FBXL13: variants seen among roughly 807,000 people sequenced by gnomAD.
FBXL13 encodes F-box and leucine-rich repeat protein 13.
Under a neutral mutation model 83.6 loss-of-function variants are expected in FBXL13, and 67 were observed. That is an observed-to-expected ratio of 0.80 (90% CI 0.66 to 0.98). The LOEUF is 0.98. Ranked by LOEUF, FBXL13 falls within the 50% of genes least tolerant of loss-of-function variation. The probability of loss-of-function intolerance (pLI) is 0.00; values close to 1 mark genes in which losing one functional copy is unlikely to be tolerated. For synonymous variants in FBXL13, 272 were observed against 299.5 expected, an observed-to-expected ratio of 0.91 and a Z score of 0.95; for missense variants, 822 against 866.5, an observed-to-expected ratio of 0.95 and a Z score of 0.64.
intron 17 of FBXL13, among the ~76,000 whole-genome samples, chr7:102,850,930 G>A (rs955105516): frequency 2.0e-5 from 3 of 152,148 alleles, no homozygotes; most frequent in African/African-American, 7.2e-5. Context: ...TTCCCAGTGA[G>A]CAACAGCAGA....
chr7:102,813,469 G>T (rs752569090), exon 20 of FBXL13: 2 of 1,614,186 alleles, frequency 1.2e-6, no homozygotes, highest in Non-Finnish European at 1.7e-6. Context: ...AAACCAACGT[G>T]GAGGGTCATT....
chr7:103,032,744 A>G (rs1027317181), intron 2 of FBXL13, among the ~76,000 whole-genome samples: 17 of 152,354 alleles, frequency 1.1e-4, no homozygotes, highest in African/African-American at 3.8e-4. Flanking sequence ...ACATTCTAAA[A>G]GTCAGCCAGG....
At chr7:102,895,948 T>C (rs1017350134) in intron 11 of FBXL13, among the ~76,000 whole-genome samples, 2 of 152,210 alleles carry the variant, frequency 1.3e-5, no homozygotes, top group South Asian at 2.1e-4. Flanking sequence ...CATTCATTCA[T>C]GGGAATATTT....
chr7:102,972,458 A>G (rs1255958057), intron 6 of FBXL13, among the ~76,000 whole-genome samples: 2 of 152,176 alleles, frequency 1.3e-5, no homozygotes, highest in African/African-American at 2.4e-5. Context: ...AAAATATTTA[A>G]GAGTAACCAG....
intron 1 of FBXL13, among the ~76,000 whole-genome samples, chr7:103,061,277 AGAGT>A (rs1265383269): frequency 1.3e-5 from 2 of 152,150 alleles, no homozygotes; most frequent in African/African-American, 4.8e-5. Context: ...CTATGAGGTA[AGAGT>A]GAGACAAAGG....
intron 6 of FBXL13, among the ~76,000 whole-genome samples, chr7:103,024,857 ATTTT>A (rs1209398568): frequency 3.2e-5 from 2 of 62,842 alleles, no homozygotes; most frequent in Admixed American, 2.5e-4. Flanking sequence ...ATATATATAT[ATTTT>A]TTTTTTTTTT....
At chr7:102,953,726 T>C (rs79144473) in intron 8 of FBXL13, among the ~76,000 whole-genome samples, 5,180 of 152,264 alleles carry the variant, frequency 0.034, 277 homozygotes, top group East Asian at 0.16. Flanking sequence ...CAGATAAGCA[T>C]GCCTTGCTAT....
intron 2 of FBXL13, among the ~76,000 whole-genome samples, chr7:103,045,881 G>A (rs972641550): frequency 5.9e-5 from 9 of 152,152 alleles, no homozygotes; most frequent in African/African-American, 1.7e-4. Context: ...GTCTCACCAC[G>A]TCATTCATAG....
At chr7:103,024,853 A>ATTTT (rs1186182065) in intron 6 of FBXL13, among the ~76,000 whole-genome samples, 12 of 88,208 alleles carry the variant, frequency 1.4e-4, no homozygotes, top group East Asian at 4.3e-4. Context: ...ATATATATAT[A>ATTTT]TATATTTTTT....
intron 17 of FBXL13, among the ~76,000 whole-genome samples, chr7:102,834,102 G>GAAAGA (rs1801348155): frequency 2.0e-5 from 2 of 101,992 alleles, no homozygotes; most frequent in South Asian, 7.0e-4. Context: ...AAGAAAGAAA[G>GAAAGA]AAAGAAAGAA....
rs373886665 is a variant in FBXL13, at chr7:102,837,706, G to A, written c.1720-4732C>T. 5.9e-5 allele frequency among the ~76,000 whole-genome samples: 9 copies of A among 152,074 alleles called. No individual in the cohort carries two copies. The East Asian group carries it at 1.7e-3, about 29-fold the overall frequency. On this transcript the variant is annotated intron_variant, in intron 17 of 19. Coordinates refer to ENST00000313221, the Ensembl canonical transcript of FBXL13. ...ACATATGTGCATGCTACCATGCCTGGCTCATTTTTTAATTTTTATAGAGAC... is the reference window on the plus strand; with the variant it reads ...ACATATGTGCATGCTACCATGCCTGACTCATTTTTTAATTTTTATAGAGAC...
At chr7:102,991,291 G>C (rs1302565763) in intron 6 of FBXL13, among the ~76,000 whole-genome samples, 1 of 152,186 alleles carries the variant, frequency 6.6e-6, no homozygotes, top group Non-Finnish European at 1.5e-5. Flanking sequence ...GACAGGGTTG[G>C]ACAGGATATG....
intron 11 of FBXL13, among the ~76,000 whole-genome samples, chr7:102,897,285 C>T (rs997990142): frequency 6.6e-6 from 1 of 151,860 alleles, no homozygotes; most frequent in African/African-American, 2.4e-5. Context: ...GGATCAAGGA[C>T]TGAACCCTGG....
intron 6 of FBXL13, among the ~76,000 whole-genome samples, chr7:102,998,359 T>G (rs2129485297): frequency 6.6e-6 from 1 of 152,352 alleles, no homozygotes; most frequent in Non-Finnish European, 1.5e-5. Flanking sequence ...CTCTTCACTT[T>G]GTTGACTGTT....
chr7:102,868,610 G>A (rs962436978), intron 16 of FBXL13, among the ~76,000 whole-genome samples: 1 of 152,142 alleles, frequency 6.6e-6, no homozygotes, highest in African/African-American at 2.4e-5. Flanking sequence ...GTGCACACGG[G>A]AGTACAGATA....
At chr7:103,027,305 A>T in intron 5 of FBXL13, 144 bp downstream of exon 6, 1 of 576,262 alleles carries the variant, frequency 1.7e-6, no homozygotes, top group Non-Finnish European at 2.9e-6. Context: ...CCAAAAAAAT[A>T]AAAATAAAAA....
intron 18 of FBXL13, among the ~76,000 whole-genome samples, chr7:102,828,595 A>C (rs1238462597): frequency 1.3e-5 from 2 of 152,312 alleles, no homozygotes; most frequent in Middle Eastern, 3.4e-3. Flanking sequence ...TTTGCTCAAT[A>C]CTTCATGCCT....
chr7:103,017,436 A>G (rs1792492374), intron 6 of FBXL13, among the ~76,000 whole-genome samples: 1 of 152,256 alleles, frequency 6.6e-6, no homozygotes, highest in African/African-American at 2.4e-5. Context: ...CTCCAAAGGA[A>G]TGCAGCTCCT....
intron 6 of FBXL13, among the ~76,000 whole-genome samples, chr7:102,986,026 C>A (rs573480984): frequency 1.3e-5 from 2 of 152,010 alleles, no homozygotes; most frequent in African/African-American, 4.8e-5. Context: ...TGCCCCCCCC[C>A]CATCAATACA....
Sources: gnomAD v4.1 joint callset for allele counts (sites outside exome capture counted in the v4.1 genomes callset) on GRCh38, gnomAD v4.1.1 for gene constraint, MANE v1.5 for transcripts, NCBI Gene and HGNC (gene_info 2026-07-23, HGNC 2026-07-21) for gene names.